FOXP4: variants seen among roughly 807,000 people sequenced by gnomAD.
FOXP4 encodes the protein forkhead box protein P4.
Under a neutral mutation model 82.6 loss-of-function variants are expected in FOXP4, and 25 were observed. The observed-to-expected ratio is 0.30, with a 90% CI of 0.22 to 0.42. The LOEUF (loss-of-function observed/expected upper bound fraction) is 0.42. FOXP4 is among the 10% of genes least tolerant of loss of function. FOXP4 has a pLI of 1.00. For missense variants in FOXP4, 785 were observed against 900.9 expected, an observed-to-expected ratio of 0.87 and a Z score of 1.65; for synonymous variants, 415 against 388.2, an observed-to-expected ratio of 1.07 and a Z score of -0.81.
chr6:41,598,943 G>A lies in FOXP4; in HGVS notation c.*7G>A, dbSNP rs368442758. The A allele has an allele frequency of 2.5e-6, 4 of 1,584,256 alleles. No individual in the cohort carries two copies. The highest frequency in any genetic ancestry group is 3.4e-6 in the Non-Finnish European group (4 of 1,167,442). On this transcript the variant is annotated 3_prime_UTR_variant, in exon 17 of 17. Transcript: ENST00000307972. Reference sequence around the variant, plus strand: ...GGGAGAAGAACTGTCCTAAGGGCCTGTAGTGACCGGCAGGGCTGGGGTGAG... The same window carrying A: ...GGGAGAAGAACTGTCCTAAGGGCCTATAGTGACCGGCAGGGCTGGGGTGAG...
chr6:41,596,569 T>G (rs1169667109), intron 14 of FOXP4, among the ~76,000 whole-genome samples: 2 of 151,770 alleles, frequency 1.3e-5, no homozygotes, highest in South Asian at 2.1e-4. Context: ...TTTGGCTGTT[T>G]CCTTAAGCTC....
At chr6:41,584,983 C>T in intron 4 of FOXP4, 92 bp downstream of exon 4, 3 of 1,447,310 alleles carry the variant, frequency 2.1e-6, no homozygotes, top group Non-Finnish European at 2.7e-6. Flanking sequence ...CCCAAGCTGT[C>T]CCAGAAACCA....
intron 1 of FOXP4, among the ~76,000 whole-genome samples, chr6:41,549,671 G>A (rs1041056452): frequency 1.3e-5 from 2 of 151,304 alleles, no homozygotes; most frequent in African/African-American, 4.9e-5. Flanking sequence ...AAGCAGTGAA[G>A]GCTGGGGTCT....
In FOXP4 at chr6:41,590,011, G is replaced by T; in HGVS notation, c.1198G>T (p.Ala400Ser). The change falls in exon 11 of 17, where the codon GCA (alanine) becomes TCA (serine). Residue 400 changes from alanine to serine, a missense_variant. This residue lies in a region of FOXP4 where 570 missense variants were observed against 634.0 expected (regional missense o/e 0.90). Transcript: ENST00000307972. ...CTCATTCTCCAAGGTGACCGTCTCT[G>T]CAGCAGACTCATTCCCAGATGGTCT... ...SSSFSKVTVS[A>S]ADSFPDGLVH... 6.2e-7 allele frequency: 1 copy of T among 1,613,964 alleles called. No individual in the cohort carries two copies. Among genetic ancestry groups the T allele is most frequent in the Non-Finnish European group, 8.5e-7 (1 of 1,179,978 alleles).
intron 2 of FOXP4, among the ~76,000 whole-genome samples, chr6:41,571,065 G>A (rs1377297975): frequency 1.3e-5 from 2 of 152,204 alleles, no homozygotes; most frequent in African/African-American, 2.4e-5. Context: ...ATACTGGTGG[G>A]AGGGATGTAT....
intron 1 of FOXP4, chr6:41,548,390 A>T (rs1318558168): frequency 6.6e-6 from 1 of 152,216 alleles, no homozygotes; most frequent in Non-Finnish European, 1.5e-5. Flanking sequence ...GAACTTCAGC[A>T]TCTTCACCCC....
At chr6:41,563,025 A>G (rs191273323) in intron 1 of FOXP4, among the ~76,000 whole-genome samples, 1 of 152,338 alleles carries the variant, frequency 6.6e-6, no homozygotes, top group East Asian at 1.9e-4. Context: ...CTTCCGAACC[A>G]TCACTCCCAT....
chr6:41,554,253 A>G (rs1025668395), intron 1 of FOXP4, among the ~76,000 whole-genome samples: 7 of 152,250 alleles, frequency 4.6e-5, no homozygotes, highest in Non-Finnish European at 8.8e-5. Context: ...TGAGGTCACA[A>G]GTGGACTAAC....
chr6:41,572,643 T>C (rs573495433), intron 2 of FOXP4, among the ~76,000 whole-genome samples: 1 of 152,302 alleles, frequency 6.6e-6, no homozygotes, highest in South Asian at 2.1e-4. Flanking sequence ...AAATTAATTA[T>C]GGAGACAATT....
chr6:41,563,711 C>G (rs1309596194), intron 1 of FOXP4, among the ~76,000 whole-genome samples: 20 of 152,116 alleles, frequency 1.3e-4, no homozygotes, highest in Admixed American at 1.3e-3. Flanking sequence ...CTGTCAGGTG[C>G]CATGTGCATG....
chr6:41,551,871 G>A (rs1342865611), intron 1 of FOXP4, among the ~76,000 whole-genome samples: 5 of 152,174 alleles, frequency 3.3e-5, no homozygotes, highest in Non-Finnish European at 5.9e-5. Context: ...TGGAGGCCAG[G>A]CTGGTGAAGG....
At chr6:41,580,651 CTTGTCCTGAAG>C (rs988267308) in intron 3 of FOXP4, among the ~76,000 whole-genome samples, 4 of 152,198 alleles carry the variant, frequency 2.6e-5, no homozygotes, top group African/African-American at 9.7e-5. Context: ...AGGTCAGATC[CTTGTCCTGAAG>C]TAGGGCCCAG....
In FOXP4 at chr6:41,553,524, TG is replaced by T. The variant is rs1230675076; in HGVS notation, c.-17+6660del. The stretch of plus-strand genomic sequence containing the variant: ...TTGGCTTGGATGGATACCCATGGAC[TG>T]GGTACTGGCTGGGATTTGCCCTTTC... On this transcript the variant is annotated intron_variant, in intron 1 of 16. Coordinates refer to ENST00000307972, the MANE Select transcript of FOXP4 (RefSeq NM_001012426.2). 5.3e-5 allele frequency among the ~76,000 whole-genome samples: 8 copies of T among 152,238 alleles called. No individual in the cohort carries two copies. The South Asian group carries it at 8.3e-4, about 16-fold the overall frequency.
intron 16 of FOXP4, 106 bp downstream of exon 16, chr6:41,598,056 G>A (rs1464223096): frequency 2.0e-5 from 17 of 843,826 alleles, no homozygotes; most frequent in Admixed American, 4.7e-5. Context: ...CCCCCACCAC[G>A]CCTCTCCCCA....
At chr6:41,569,600 G>A (rs1044068862) in intron 2 of FOXP4, among the ~76,000 whole-genome samples, 3 of 152,168 alleles carry the variant, frequency 2.0e-5, no homozygotes, top group Admixed American at 2.0e-4. Context: ...GGGCTGGTCT[G>A]GGTGCGCTGG....
Position 41,599,057 on chromosome 6 carries a change from A to C in FOXP4, c.*121A>C, listed in dbSNP as rs1767065230. On this transcript the variant is annotated 3_prime_UTR_variant, in exon 17 of 17. Coordinates refer to ENST00000307972, the MANE Select transcript of FOXP4 (RefSeq NM_001012426.2). Reference sequence around the variant, plus strand: ...GGCAAGTCCAGGACTCAGACCGGGGAGGCCCGGGCCAGCAGCTCCCAGTGT... The same window carrying C: ...GGCAAGTCCAGGACTCAGACCGGGGCGGCCCGGGCCAGCAGCTCCCAGTGT... The C allele has an allele frequency of 7.3e-7, 1 of 1,360,914 alleles. No homozygotes were observed. The highest frequency in any genetic ancestry group is 1.5e-5 in the African/African-American group (1 of 67,774). 84.3% of individuals were successfully genotyped at this position (1,360,914 alleles called of 1,614,324 possible). A position where few individuals can be genotyped will look rare whatever the true frequency, so the allele number is the denominator to read the frequency against.
At chr6:41,579,360 G>A (rs1318806740) in intron 3 of FOXP4, among the ~76,000 whole-genome samples, 1 of 152,110 alleles carries the variant, frequency 6.6e-6, no homozygotes, top group Non-Finnish European at 1.5e-5. Context: ...TCAGGATTGG[G>A]CCTCTTTAAA....
At chr6:41,547,606 A>G (rs1763720855) in intron 1 of FOXP4, 1 of 152,496 alleles carries the variant, frequency 6.6e-6, no homozygotes, top group Non-Finnish European at 1.5e-5. Flanking sequence ...GCGTCTGGAA[A>G]TGGCCCCTGT....
intron 2 of FOXP4, among the ~76,000 whole-genome samples, chr6:41,572,711 T>C (rs187260101): frequency 9.8e-5 from 15 of 152,296 alleles, no homozygotes; most frequent in Non-Finnish European, 2.1e-4. Flanking sequence ...AAAGGAAGTT[T>C]GGAGTTTGTT....
Sources: gnomAD v4.1 joint callset for allele counts (sites outside exome capture counted in the v4.1 genomes callset) on GRCh38, gnomAD v4.1.1 for gene constraint, gnomAD v4.1.1 regional missense constraint, MANE v1.5 for transcripts, NCBI Gene and HGNC (gene_info 2026-07-23, HGNC 2026-07-21) for gene names.